The following RALYL variants were observed in gnomAD, a reference collection of about 807,000 sequenced individuals.
RALYL encodes the protein RALY RNA binding protein like.
RALYL carries 29 observed loss-of-function variants against 35.1 expected under a neutral mutation model. The observed-to-expected ratio is 0.83, with a 90% CI of 0.61 to 1.13. RALYL has a LOEUF of 1.13. RALYL is among the 50% of genes most tolerant of loss of function. The pLI is 0.00. For synonymous variants in RALYL, 120 were observed against 127.6 expected (o/e 0.94, Z 0.40); for missense variants, 359 against 360.4 (o/e 1.00, Z 0.03).
intron 1 of RALYL, among the ~76,000 whole-genome samples, chr8:84,343,876 G>T (rs1160943994): frequency 2.0e-5 from 2 of 101,430 alleles, no homozygotes; most frequent in African/African-American, 4.6e-5. Flanking sequence ...GAGTTTTTTT[G>T]TTTGTTTGTT....
chr8:84,231,121 T>C (rs568852631), intron 1 of RALYL, among the ~76,000 whole-genome samples: 3 of 152,310 alleles, frequency 2.0e-5, no homozygotes, highest in Non-Finnish European at 4.4e-5. Flanking sequence ...CATAAGAACA[T>C]AGTCAGCTCA....
chr8:84,467,674 C>G (rs2051919404), intron 1 of RALYL, among the ~76,000 whole-genome samples: 1 of 152,080 alleles, frequency 6.6e-6, no homozygotes, highest in Admixed American at 6.5e-5. Context: ...TGGTGCTGAG[C>G]TGAGTTCAAT....
At chr8:84,423,790 A>G (rs905020589) in intron 1 of RALYL, among the ~76,000 whole-genome samples, 4 of 151,350 alleles carry the variant, frequency 2.6e-5, no homozygotes, top group Middle Eastern at 3.4e-3. Context: ...AAAGTATTTT[A>G]TTTCTCCTTC....
At chr8:84,815,997 G>T (rs549776316) in intron 4 of RALYL, among the ~76,000 whole-genome samples, 1 of 130,472 alleles carries the variant, frequency 7.7e-6, no homozygotes, top group African/African-American at 3.0e-5. Flanking sequence ...TCATGCCACT[G>T]CACTCCAGCC....
chr8:84,344,873 T>A (rs1270348528), intron 1 of RALYL, among the ~76,000 whole-genome samples: 1 of 152,032 alleles, frequency 6.6e-6, no homozygotes, highest in African/African-American at 2.4e-5. Flanking sequence ...ATTATAGAAT[T>A]TCCTTCTTTT....
intron 2 of RALYL, among the ~76,000 whole-genome samples, chr8:84,733,718 T>C (rs1465514301): frequency 6.6e-6 from 1 of 152,124 alleles, no homozygotes; most frequent in Admixed American, 6.6e-5. Flanking sequence ...GGATTTACAT[T>C]ATATGGTTGT....
chr8:84,370,380 C>T (rs546541135), intron 1 of RALYL, among the ~76,000 whole-genome samples: 6 of 151,724 alleles, frequency 4.0e-5, no homozygotes, highest in South Asian at 2.1e-4. Context: ...TTAATTTTAA[C>T]GTAAATGAAA....
intron 2 of RALYL, among the ~76,000 whole-genome samples, chr8:84,578,976 G>C (rs1181874465): frequency 6.6e-6 from 1 of 152,192 alleles, no homozygotes; most frequent in Admixed American, 6.5e-5. Context: ...GCTTCAGGCT[G>C]TCCCCAGCTT....
chr8:84,620,027 A>T (rs1398330234), intron 2 of RALYL, among the ~76,000 whole-genome samples: 15 of 151,432 alleles, frequency 9.9e-5, no homozygotes, highest in Non-Finnish European at 2.1e-4. Flanking sequence ...GCCCTTAACA[A>T]TTTTTCCTTC....
At chr8:84,191,181 ATT>A (rs1563505010) in intron 1 of RALYL, among the ~76,000 whole-genome samples, 2 of 89,966 alleles carry the variant, frequency 2.2e-5, no homozygotes, top group Non-Finnish European at 4.3e-5. Flanking sequence ...TGTGTGTGTG[ATT>A]GTGTGTGTGT....
intron 1 of RALYL, among the ~76,000 whole-genome samples, chr8:84,351,853 T>C (rs1299878216): frequency 6.6e-6 from 1 of 150,446 alleles, no homozygotes; most frequent in Non-Finnish European, 1.5e-5. Flanking sequence ...TTGGCATTTT[T>C]AATACATTCA....
intron 2 of RALYL, among the ~76,000 whole-genome samples, chr8:84,762,279 T>C (rs1812903085): frequency 6.6e-6 from 1 of 152,232 alleles, no homozygotes; most frequent in South Asian, 2.1e-4. Flanking sequence ...CTTACTTTTA[T>C]ATTAGCTTGG....
chr8:84,897,516 T>A (rs1339972353), intron 8 of RALYL, among the ~76,000 whole-genome samples: 5 of 152,188 alleles, frequency 3.3e-5, no homozygotes, highest in Non-Finnish European at 7.3e-5. Flanking sequence ...ATTCCATTCT[T>A]ATGGCTTTCT....
At chr8:84,710,462 T>A (rs1841991870) in intron 2 of RALYL, among the ~76,000 whole-genome samples, 1 of 151,956 alleles carries the variant, frequency 6.6e-6, no homozygotes. Context: ...CCACCATGGC[T>A]GGCTCATTTT....
At chr8:84,739,831 T>G (rs1222225890) in intron 2 of RALYL, among the ~76,000 whole-genome samples, 1 of 151,862 alleles carries the variant, frequency 6.6e-6, no homozygotes, top group African/African-American at 2.4e-5. Flanking sequence ...TATACAAACT[T>G]TGATGTTAAA....
intron 1 of RALYL, among the ~76,000 whole-genome samples, chr8:84,485,095 C>G (rs774931132): frequency 3.3e-5 from 5 of 152,096 alleles, no homozygotes; most frequent in Non-Finnish European, 5.9e-5. Flanking sequence ...TAGCTTTATC[C>G]TCTTCTAACT....
At chr8:84,865,133 T>TATGA (rs1277944792) in intron 6 of RALYL, among the ~76,000 whole-genome samples, 3 of 152,318 alleles carry the variant, frequency 2.0e-5, no homozygotes, top group East Asian at 3.9e-4. Context: ...ATAAAATATA[T>TATGA]ATGTGCATGT....
chr8:84,871,213 A>T (rs1183690681), intron 6 of RALYL, among the ~76,000 whole-genome samples: 1 of 152,164 alleles, frequency 6.6e-6, no homozygotes, highest in Admixed American at 6.5e-5. Context: ...TCTAGACTTA[A>T]ATGAAACCTT....
intron 1 of RALYL, among the ~76,000 whole-genome samples, chr8:84,416,224 A>G (rs991128113): frequency 1.1e-4 from 17 of 152,238 alleles, no homozygotes; most frequent in African/African-American, 3.4e-4. Context: ...CTGGGAATAC[A>G]AAAGTAGACA....
Sources: gnomAD v4.1 joint callset for allele counts (sites outside exome capture counted in the v4.1 genomes callset) on GRCh38, gnomAD v4.1.1 for gene constraint, MANE v1.5 for transcripts, NCBI Gene and HGNC (gene_info 2026-07-23, HGNC 2026-07-21) for gene names.